Variants in NFIB observed in about 807,000 individuals in gnomAD.
NFIB encodes nuclear factor 1 B-type.
NFIB carries 11 observed loss-of-function variants against 61.5 expected under a neutral mutation model. That is an observed-to-expected ratio of 0.18 (90% CI 0.11 to 0.30). The LOEUF is 0.30. Among genes scored for constraint, NFIB ranks in the 10% least tolerant of loss-of-function variants. The probability of loss-of-function intolerance (pLI) is 1.00; values close to 1 mark genes in which losing one functional copy is unlikely to be tolerated. For synonymous variants in NFIB, 260 were observed against 216.5 expected (o/e 1.20, Z -1.76); for missense variants, 471 against 608.9 (o/e 0.77, Z 2.38).
At chr9:14,212,672 C>A (rs1016091247) in intron 2 of NFIB, among the ~76,000 whole-genome samples, 1 of 150,066 alleles carries the variant, frequency 6.7e-6, no homozygotes, top group East Asian at 1.9e-4. Context: ...TCTACACTTA[C>A]AATATTTCAC....
At chr9:14,299,375 TTA>T (rs2059626141) in intron 2 of NFIB, among the ~76,000 whole-genome samples, 1 of 152,222 alleles carries the variant, frequency 6.6e-6, no homozygotes, top group Non-Finnish European at 1.5e-5. Flanking sequence ...TTATGTAGTT[TTA>T]TGAGAGATGT....
intron 2 of NFIB, among the ~76,000 whole-genome samples, chr9:14,246,645 A>C (rs970814450): frequency 3.3e-5 from 5 of 152,164 alleles, no homozygotes; most frequent in African/African-American, 9.7e-5. Flanking sequence ...GTAATTTCCA[A>C]TTACTTTCCC....
intron 3 of NFIB, among the ~76,000 whole-genome samples, chr9:14,158,075 C>G (rs1260951849): frequency 7.0e-6 from 1 of 142,170 alleles, no homozygotes; most frequent in Non-Finnish European, 1.5e-5. Flanking sequence ...GGAGCCATTG[C>G]ATTCCAGTCT....
the NFIB span, among the ~76,000 whole-genome samples, chr9:14,429,197 A>G: frequency 2.0e-5 from 3 of 152,232 alleles, no homozygotes; most frequent in African/African-American, 7.2e-5. Context: ...AAGTCCGTAC[A>G]AAGAACATAG....
intron 10 of NFIB, among the ~76,000 whole-genome samples, chr9:14,093,101 A>G (rs773451055): frequency 3.9e-5 from 6 of 152,088 alleles, no homozygotes; most frequent in Non-Finnish European, 7.4e-5. Context: ...ACATGTATGA[A>G]GCCATTACAT....
intron 2 of NFIB, chr9:14,300,189 G>A (rs2059673923): frequency 1.3e-5 from 5 of 398,442 alleles, no homozygotes; most frequent in East Asian, 3.6e-5. Context: ...AACATACCAC[G>A]TTGCCACAGA....
At chr9:14,213,217 G>C (rs149753918) in intron 2 of NFIB, among the ~76,000 whole-genome samples, 1 of 152,114 alleles carries the variant, frequency 6.6e-6, no homozygotes, top group Non-Finnish European at 1.5e-5. Flanking sequence ...TCAGGTAACT[G>C]GTATTTCTTG....
chr9:14,372,707 T>C (rs1408922123), intron 1 of NFIB, among the ~76,000 whole-genome samples: 1 of 152,178 alleles, frequency 6.6e-6, no homozygotes, highest in Non-Finnish European at 1.5e-5. Flanking sequence ...TAACATGTGG[T>C]CCAGCGGGTG....
At position 14,248,290 on chromosome 9, in the gene NFIB, T is replaced by TCCC. The variant is rs200633998; in HGVS notation, c.562+58696_562+58698dup. Among the ~76,000 whole-genome samples, 813 of 138,558 alleles carry TCCC rather than the reference T, an allele frequency of 5.9e-3. 6 individuals carry two copies. Among genetic ancestry groups the TCCC allele is most frequent in the South Asian group, 0.022 (87 of 3,988 alleles). The allele number at this position is 138,558 out of a possible 152,430, so 90.9% of individuals were successfully genotyped here. ...CCTTCCCACCTAAACTGCCCTGCCC[T>TCCC]CCCCTCTCCTCCACTCCCCTCCCCT... On this transcript the variant is annotated intron_variant, in intron 2 of 10. Transcript: ENST00000380953.
chr9:14,505,443 C>A, the NFIB span, among the ~76,000 whole-genome samples: 26 of 152,230 alleles, frequency 1.7e-4, no homozygotes, highest in East Asian at 3.3e-3. Context: ...TTTGCTGGAG[C>A]CTTTTCCAAG....
chr9:14,458,037 T>C, the NFIB span, among the ~76,000 whole-genome samples: 1 of 152,176 alleles, frequency 6.6e-6, no homozygotes, highest in Admixed American at 6.5e-5. Flanking sequence ...ATCATCCTGA[T>C]ACCAAAGCCT....
chr9:14,365,668 A>G (rs1169441855), intron 1 of NFIB, among the ~76,000 whole-genome samples: 1 of 152,250 alleles, frequency 6.6e-6, no homozygotes, highest in African/African-American at 2.4e-5. Flanking sequence ...ATTCTTGGCC[A>G]GACGTTTGTT....
chr9:14,384,689 A>G (rs1010803635), intron 1 of NFIB, among the ~76,000 whole-genome samples: 2 of 152,136 alleles, frequency 1.3e-5, no homozygotes, highest in Non-Finnish European at 2.9e-5. Flanking sequence ...CAGTCACCTC[A>G]TTGATTTATA....
intron 2 of NFIB, among the ~76,000 whole-genome samples, chr9:14,290,363 G>A (rs1445359049): frequency 6.6e-6 from 1 of 152,044 alleles, no homozygotes; most frequent in Non-Finnish European, 1.5e-5. Flanking sequence ...GCCCACAAAA[G>A]GGAGACCAAG....
chr9:14,083,830 CCT>C lies in NFIB; in HGVS notation c.*4477_*4478del. 1 of 226,258 alleles carries C rather than the reference CCT, an allele frequency of 4.4e-6. No homozygotes were observed. Among genetic ancestry groups the C allele is most frequent in the Non-Finnish European group, 8.8e-6 (1 of 113,528 alleles). 14.0% of individuals were successfully genotyped at this position (226,258 alleles called of 1,614,324 possible). ...AAGTCACAAATCCAAGATTCTGCTC[CCT>C]GAGGACACGTTATGTGAGACATAGC... On this transcript the variant is annotated 3_prime_UTR_variant, in exon 11 of 11. Transcript: ENST00000380953.
Position 14,249,852 on chromosome 9 carries a change from T to C in NFIB, c.562+57137A>G, listed in dbSNP as rs563265488. 6.6e-5 allele frequency among the ~76,000 whole-genome samples: 10 copies of C among 152,136 alleles called. No individual in the cohort carries two copies. The East Asian group carries it at 1.4e-3, about 21-fold the overall frequency. On this transcript the variant is annotated intron_variant, in intron 2 of 10. Coordinates refer to ENST00000380953, the MANE Select transcript of NFIB (RefSeq NM_001190737.2). ...TAATTTAGGGCCTAGCAATAGACAGTGGTGACACTGTCCTCATGCAAAGGG... is the reference window on the plus strand; with the variant it reads ...TAATTTAGGGCCTAGCAATAGACAGCGGTGACACTGTCCTCATGCAAAGGG...
the NFIB span, among the ~76,000 whole-genome samples, chr9:14,527,326 A>G: frequency 1.3e-5 from 2 of 152,206 alleles, no homozygotes; most frequent in East Asian, 3.8e-4. Context: ...AGAAACTAGT[A>G]TTCGATAAAC....
At chr9:14,290,233 C>T (rs1331628207) in intron 2 of NFIB, among the ~76,000 whole-genome samples, 1 of 151,998 alleles carries the variant, frequency 6.6e-6, no homozygotes, top group Non-Finnish European at 1.5e-5. Flanking sequence ...GATTTTGAGA[C>T]ATTACATAGC....
At chr9:14,211,152 C>A (rs56951107) in intron 2 of NFIB, among the ~76,000 whole-genome samples, 13,875 of 152,074 alleles carry the variant, frequency 0.091, 2,114 homozygotes, top group African/African-American at 0.31. Flanking sequence ...TTTTTCATTT[C>A]AAAACAACAG....
Sources: allele counts gnomAD v4.1 joint callset (sites outside exome capture counted in the v4.1 genomes callset), GRCh38; gene constraint gnomAD v4.1.1; transcripts MANE v1.5; gene names NCBI Gene and HGNC (gene_info 2026-07-23, HGNC 2026-07-21).